The following RNF220 variants were observed in gnomAD, a reference collection of about 807,000 sequenced individuals.
The protein encoded by RNF220 is E3 ubiquitin-protein ligase RNF220.
A neutral mutation model predicts 67.1 loss-of-function variants in RNF220; 7 were observed. The observed-to-expected ratio is 0.10, with a 90% CI of 0.06 to 0.20. The LOEUF is 0.20. Ranked by LOEUF, RNF220 falls within the 10% of genes least tolerant of loss-of-function variation. The pLI is 1.00. For missense variants in RNF220, 565 were observed against 740.3 expected (o/e 0.76, Z 2.75); for synonymous variants, 270 against 283.2 (o/e 0.95, Z 0.47).
intron 2 of RNF220, among the ~76,000 whole-genome samples, chr1:44,578,139 CTTT>C (rs1469193085): frequency 7.8e-4 from 108 of 138,336 alleles, no homozygotes; most frequent in African/African-American, 2.5e-3. Context: ...TTCTTTCTTT[CTTT>C]CCTTTTTTTT....
intron 2 of RNF220, among the ~76,000 whole-genome samples, chr1:44,431,245 C>T (rs899632793): frequency 6.6e-6 from 1 of 152,014 alleles, no homozygotes; most frequent in Non-Finnish European, 1.5e-5. Flanking sequence ...CCTGTAATCC[C>T]AGCAGTTTGG....
intron 12 of RNF220, chr1:44,648,824 G>C (rs559042762): frequency 1.3e-5 from 2 of 152,404 alleles, no homozygotes; most frequent in East Asian, 3.9e-4. Flanking sequence ...GCCATAGTCA[G>C]TATTGGTGGA....
At chr1:44,631,673 A>T (rs1644125850) in intron 5 of RNF220, 1 of 156,214 alleles carries the variant, frequency 6.4e-6, no homozygotes, top group Non-Finnish European at 1.4e-5. Flanking sequence ...ACCCAACGCG[A>T]TGCCTCTGCC....
chr1:44,565,628 TG>T lies in RNF220; in HGVS notation c.626-48532del. ...AAGCATGCCCCGCAGCTGGGGAGGGTGGGGGTCATGGCTGGAAATCCAATCA... is the reference window on the plus strand; with the variant it reads ...AAGCATGCCCCGCAGCTGGGGAGGGTGGGGTCATGGCTGGAAATCCAATCA... On this transcript the variant is annotated intron_variant, in intron 2 of 14. Coordinates refer to ENST00000361799, the MANE Select transcript of RNF220 (RefSeq NM_018150.4). This position sits in a 1 kb window ranked among gnomAD's most constrained non-coding sequence, Gnocchi z 4.2. 6.6e-6 allele frequency among the ~76,000 whole-genome samples: 1 copy of T among 151,728 alleles called. No individual in the cohort carries two copies. The highest frequency in any genetic ancestry group is 2.1e-4 in the South Asian group (1 of 4,788).
intron 2 of RNF220, among the ~76,000 whole-genome samples, chr1:44,532,416 A>C (rs950118109): frequency 1.1e-4 from 17 of 152,188 alleles, no homozygotes; most frequent in African/African-American, 3.9e-4. Flanking sequence ...CTATTTATTG[A>C]GTCCCCACTA....
intron 2 of RNF220, among the ~76,000 whole-genome samples, chr1:44,541,645 C>G (rs990624037): frequency 6.6e-6 from 1 of 152,218 alleles, no homozygotes; most frequent in Admixed American, 6.5e-5. Flanking sequence ...ACTGTAGGAG[C>G]TTTCCCTTTT....
intron 2 of RNF220, among the ~76,000 whole-genome samples, chr1:44,535,227 G>A (rs1390990384): frequency 7.0e-6 from 1 of 143,466 alleles, no homozygotes; most frequent in Non-Finnish European, 1.5e-5. Context: ...CGCAACCTCT[G>A]CCTCCCTGGG....
rs1491533536 is a variant in RNF220, at chr1:44,650,328, C to CTGTT, written c.1629+372_1630-372dup. 2 of 479,448 alleles carry CTGTT rather than the reference C, an allele frequency of 4.2e-6. No homozygotes were observed. Among genetic ancestry groups the CTGTT allele is most frequent in the Non-Finnish European group, 7.6e-6 (2 of 263,586 alleles). The allele number at this position is 479,448 out of a possible 1,614,324, so 29.7% of individuals were successfully genotyped here. ...TACTAAGCTCCTTCTGCTCCTGCCCCTGTTCTTCGCTCAGGAGCAGCCATT... is the reference window on the plus strand; with the variant it reads ...TACTAAGCTCCTTCTGCTCCTGCCCCTGTTTGTTCTTCGCTCAGGAGCAGCCATT... On this transcript the variant is annotated intron_variant, in intron 14 of 14. Coordinates refer to ENST00000361799, the MANE Select transcript of RNF220 (RefSeq NM_018150.4). The surrounding 1 kb of genome is among the most constrained non-coding windows in gnomAD (Gnocchi z 4.3).
intron 2 of RNF220, among the ~76,000 whole-genome samples, chr1:44,431,096 T>A (rs1298676029): frequency 6.6e-6 from 1 of 152,236 alleles, no homozygotes; most frequent in Non-Finnish European, 1.5e-5. Context: ...AATTTGTTTT[T>A]TCTTCTGAGT....
At chr1:44,493,907 T>TA (rs1657081972) in intron 2 of RNF220, among the ~76,000 whole-genome samples, 1 of 151,964 alleles carries the variant, frequency 6.6e-6, no homozygotes, top group Admixed American at 6.6e-5. Flanking sequence ...AGGTATCTAT[T>TA]AAAAAAGGAA....
At chr1:44,522,146 AC>A (rs1195814296) in intron 2 of RNF220, among the ~76,000 whole-genome samples, 1 of 152,198 alleles carries the variant, frequency 6.6e-6, no homozygotes, top group Non-Finnish European at 1.5e-5. Flanking sequence ...TTTAGAAAAG[AC>A]CATGACAAAT....
At chr1:44,453,457 T>C (rs1233008804) in intron 2 of RNF220, among the ~76,000 whole-genome samples, 4 of 152,140 alleles carry the variant, frequency 2.6e-5, no homozygotes, top group African/African-American at 9.7e-5. Flanking sequence ...GCGAGAGTTT[T>C]ACATTTTTTA....
chr1:44,650,236 G>A lies in RNF220; in HGVS notation c.1629+279G>A, dbSNP rs1644755432. The A allele has an allele frequency of 1.8e-6, 1 of 552,564 alleles. No homozygotes were observed. Among genetic ancestry groups the A allele is most frequent in the Admixed American group, 3.3e-5 (1 of 30,390 alleles). 34.2% of individuals were successfully genotyped at this position (552,564 alleles called of 1,614,324 possible). A position where few individuals can be genotyped will look rare whatever the true frequency, so the allele number is the denominator to read the frequency against. On this transcript the variant is annotated intron_variant, in intron 14 of 14. Coordinates refer to ENST00000361799, the MANE Select transcript of RNF220 (RefSeq NM_018150.4). This position sits in a 1 kb window ranked among gnomAD's most constrained non-coding sequence, Gnocchi z 4.3. ...CCACTGCATCACACAGACTGGTGAG[G>A]CCTGGGGTCAGGAGGAGGCTGGCTG...
chr1:44,622,863 A>AGCTCCTTTTTCTC lies in RNF220; in HGVS notation c.804+76_804+77insGCTCCTTTTTCTC. 1.5e-6 allele frequency: 2 copies of AGCTCCTTTTTCTC among 1,293,830 alleles called. No homozygotes were observed. Among genetic ancestry groups the AGCTCCTTTTTCTC allele is most frequent in the African/African-American group, 1.5e-5 (1 of 68,172 alleles). The allele number at this position is 1,293,830 out of a possible 1,614,324, so 80.1% of individuals were successfully genotyped here. On this transcript the variant is annotated intron_variant, in intron 4 of 14. Transcript: ENST00000361799. This position sits in a 1 kb window ranked among gnomAD's most constrained non-coding sequence, Gnocchi z 4.3. ...CCCAGAACTGGTTCCTCCTGAGAAA[A>AGCTCCTTTTTCTC]AGGAGCTTTTCTAGTATCCTCAACT...
rs550003554 is a variant in RNF220 at position 44,619,491 on chromosome 1, G to A, written c.759-3251G>A. ...AAAACGAAGTGTAACTTACAAAGGC[G>A]GCTGGTGATGATGGTTTATTCCCGG... On this transcript the variant is annotated intron_variant, in intron 3 of 14. Coordinates refer to ENST00000361799, the MANE Select transcript of RNF220 (RefSeq NM_018150.4). Among the ~76,000 whole-genome samples, 5 of 152,300 alleles carry A rather than the reference G, an allele frequency of 3.3e-5. No homozygotes were observed. In the East Asian group the frequency reaches 5.8e-4, roughly 18 times the overall value.
intron 2 of RNF220, among the ~76,000 whole-genome samples, chr1:44,415,291 C>A (rs753043655): frequency 2.6e-5 from 4 of 151,528 alleles, no homozygotes; most frequent in Non-Finnish European, 5.9e-5. Context: ...GTCCTCCCTA[C>A]AGAACCGTTT....
chr1:44,528,853 A>T (rs1660615096), intron 2 of RNF220, among the ~76,000 whole-genome samples: 1 of 151,998 alleles, frequency 6.6e-6, no homozygotes, highest in Non-Finnish European at 1.5e-5. Context: ...ACCTCAGGCG[A>T]TCCACCCACC....
chr1:44,635,695 T>C, intron 7 of RNF220, 107 bp downstream of exon 7: 2 of 1,571,088 alleles, frequency 1.3e-6, no homozygotes, highest in South Asian at 2.3e-5. Flanking sequence ...CCCACCTTCC[T>C]TCCCCGCTCC....
At chr1:44,494,714 C>T (rs769439386) in intron 2 of RNF220, among the ~76,000 whole-genome samples, 1 of 152,134 alleles carries the variant, frequency 6.6e-6, no homozygotes, top group Non-Finnish European at 1.5e-5. Flanking sequence ...TCTTGGGAAG[C>T]AGACTCCAGG....
Sources: gnomAD v4.1 joint callset for allele counts (sites outside exome capture counted in the v4.1 genomes callset) on GRCh38, gnomAD v4.1.1 for gene constraint, Gnocchi (gnomAD v3.1) non-coding constraint, MANE v1.5 for transcripts, NCBI Gene and HGNC (gene_info 2026-07-23, HGNC 2026-07-21) for gene names.